The following STXBP4 variants were observed in gnomAD, a reference collection of about 807,000 sequenced individuals.
STXBP4 encodes the protein syntaxin binding protein 4, also known as syntaxin-binding protein 4.
STXBP4 carries 55 observed loss-of-function variants against 76.1 expected under a neutral mutation model. That is an observed-to-expected ratio of 0.72 (90% CI 0.58 to 0.91). STXBP4 has a LOEUF of 0.91. STXBP4 is among the 40% of genes least tolerant of loss of function. The probability of loss-of-function intolerance (pLI) is 0.00; values close to 1 mark genes in which losing one functional copy is unlikely to be tolerated. For synonymous variants in STXBP4, 201 were observed against 220.2 expected (o/e 0.91, Z 0.77); for missense variants, 618 against 636.9 (o/e 0.97, Z 0.32).
At chr17:55,095,481 T>C (rs888842649) in intron 16 of STXBP4, among the ~76,000 whole-genome samples, 2 of 152,180 alleles carry the variant, frequency 1.3e-5, no homozygotes, top group African/African-American at 4.8e-5. Context: ...GGACAAAGTA[T>C]TAACAGCTCA....
chr17:55,176,722 T>G (rs2080432284), downstream of STXBP4, among the ~76,000 whole-genome samples: 1 of 152,158 alleles, frequency 6.6e-6, no homozygotes, highest in Non-Finnish European at 1.5e-5. Context: ...GATTAGCATT[T>G]GAATCAGTAG....
At chr17:55,124,502 T>C (rs984121490) in intron 16 of STXBP4, among the ~76,000 whole-genome samples, 16 of 152,266 alleles carry the variant, frequency 1.1e-4, no homozygotes, top group African/African-American at 3.9e-4. Context: ...ACAATGGATC[T>C]GCTTCAAGTG....
At chr17:55,111,996 G>A (rs1567767618) in intron 16 of STXBP4, among the ~76,000 whole-genome samples, 2 of 152,070 alleles carry the variant, frequency 1.3e-5, no homozygotes, top group African/African-American at 4.8e-5. Context: ...GCTCACTGCA[G>A]TTTCGAACTC....
the STXBP4 span, among the ~76,000 whole-genome samples, chr17:55,212,843 G>T: frequency 6.6e-6 from 1 of 152,102 alleles, no homozygotes; most frequent in Non-Finnish European, 1.5e-5. Flanking sequence ...GGGAGAGTTT[G>T]CAAATTAGAG....
intron 12 of STXBP4, among the ~76,000 whole-genome samples, chr17:55,070,034 A>G (rs1448856074): frequency 2.0e-5 from 3 of 152,078 alleles, no homozygotes; most frequent in Non-Finnish European, 4.4e-5. Context: ...CTCATCCAGG[A>G]CTGGGCACTG....
chr17:55,211,805 T>G, the STXBP4 span, among the ~76,000 whole-genome samples: 20 of 113,896 alleles, frequency 1.8e-4, no homozygotes, highest in African/African-American at 6.1e-4. Flanking sequence ...TGTTGTTTTT[T>G]TTTTTTTTTT....
intron 12 of STXBP4, among the ~76,000 whole-genome samples, chr17:55,054,566 T>TG (rs2078901956): frequency 6.6e-6 from 1 of 152,180 alleles, no homozygotes; most frequent in Non-Finnish European, 1.5e-5. Context: ...GTTATACCTT[T>TG]GGTTTATACC....
intron 8 of STXBP4, among the ~76,000 whole-genome samples, chr17:55,007,843 T>G (rs188327370): frequency 1.3e-3 from 193 of 152,312 alleles, no homozygotes; most frequent in Middle Eastern, 3.4e-3. Context: ...ATCAAATAGT[T>G]TTCTCCTCGG....
chr17:55,112,294 A>G (rs542902335), intron 16 of STXBP4, among the ~76,000 whole-genome samples: 1 of 152,054 alleles, frequency 6.6e-6, no homozygotes, highest in African/African-American at 2.4e-5. Flanking sequence ...TCTTGATCTT[A>G]TTTTTCTAAT....
chr17:55,043,108 C>G, intron 10 of STXBP4, 128 bp from the exon 11 acceptor site: 1 of 420,514 alleles, frequency 2.4e-6, no homozygotes, highest in Non-Finnish European at 4.1e-6. Flanking sequence ...TCAAATGACT[C>G]CAACATAAGA....
intron 7 of STXBP4, 100 bp from the exon 8 acceptor site, chr17:55,007,406 G>A: frequency 1.2e-6 from 1 of 824,832 alleles, no homozygotes; most frequent in Admixed American, 2.3e-5. Context: ...TGATTAGCTA[G>A]AATTATTTTT....
intron 7 of STXBP4, among the ~76,000 whole-genome samples, chr17:55,005,853 T>C (rs1292889196): frequency 1.3e-5 from 2 of 152,194 alleles, no homozygotes; most frequent in African/African-American, 4.8e-5. Flanking sequence ...GTCTTCCATA[T>C]CATTCCACTC....
intron 4 of STXBP4, among the ~76,000 whole-genome samples, chr17:54,998,020 A>C (rs2077845007): frequency 6.6e-6 from 1 of 152,176 alleles, no homozygotes; most frequent in African/African-American, 2.4e-5. Context: ...ATGTTTCTAT[A>C]AAATCCTTTC....
At chr17:55,012,849 G>T (rs918399443) in intron 8 of STXBP4, among the ~76,000 whole-genome samples, 7 of 152,162 alleles carry the variant, frequency 4.6e-5, no homozygotes, top group African/African-American at 1.7e-4. Context: ...ACCTCTAGAA[G>T]GTCCCCTCGA....
intron 17 of STXBP4, among the ~76,000 whole-genome samples, chr17:55,145,741 G>GTGTC (rs1268780154): frequency 6.6e-6 from 1 of 152,092 alleles, no homozygotes; most frequent in African/African-American, 2.4e-5. Flanking sequence ...GTTTCTGTGT[G>GTGTC]TGTGTGTGTA....
intron 8 of STXBP4, among the ~76,000 whole-genome samples, chr17:55,011,508 C>CTTTTTT (rs3080154): frequency 0.045 from 3,851 of 85,664 alleles, 500 homozygotes; most frequent in African/African-American, 0.16. Flanking sequence ...TTTTCTTTTT[C>CTTTTTT]TTTTTTTTTT....
At chr17:55,043,605 T>C (rs1344298957) in intron 11 of STXBP4, 1 of 1,549,476 alleles carries the variant, frequency 6.5e-7, no homozygotes, top group Non-Finnish European at 8.7e-7. Context: ...TTATTCTCTC[T>C]CATTAGTGGC....
chr17:55,061,478 T>C (rs1338201700), intron 12 of STXBP4, among the ~76,000 whole-genome samples: 3 of 152,186 alleles, frequency 2.0e-5, no homozygotes, highest in Non-Finnish European at 4.4e-5. Context: ...AAAATACATA[T>C]ATTTGTCAGT....
At position 55,166,911 on chromosome 17, in the gene STXBP4, C is replaced by T. The variant is rs2080380185; in HGVS notation, c.*7000C>T. ...ATGAAAACCGGAACTCTGGTTAAAG[C>T]TAAGTGGTCTCTCTCACTGTGGCTG... On this transcript the variant is annotated 3_prime_UTR_variant, in exon 18 of 18. Transcript: ENST00000376352. 6.6e-6 allele frequency: 1 copy of T among 152,244 alleles called. No homozygotes were observed. The highest frequency in any genetic ancestry group is 2.4e-5 in the African/African-American group (1 of 41,448). 9.4% of individuals were successfully genotyped at this position (152,244 alleles called of 1,614,324 possible). A position where few individuals can be genotyped will look rare whatever the true frequency, so the allele number is the denominator to read the frequency against.
Sources: allele counts gnomAD v4.1 joint callset (sites outside exome capture counted in the v4.1 genomes callset), GRCh38; gene constraint gnomAD v4.1.1; transcripts MANE v1.5; gene names NCBI Gene and HGNC (gene_info 2026-07-23, HGNC 2026-07-21).